SLC44A5: variants seen among roughly 807,000 people sequenced by gnomAD.
SLC44A5 encodes choline transporter-like protein 5.
Under a neutral mutation model 101.8 loss-of-function variants are expected in SLC44A5, and 57 were observed. The ratio of observed to expected loss-of-function variants is 0.56; its 90% confidence interval spans 0.45 to 0.70. SLC44A5 has a LOEUF of 0.70. Ranked by LOEUF, SLC44A5 falls within the 30% of genes least tolerant of loss-of-function variation. The probability of loss-of-function intolerance (pLI) is 0.00; values close to 1 mark genes in which losing one functional copy is unlikely to be tolerated. For missense variants in SLC44A5, 737 were observed against 853.1 expected, an observed-to-expected ratio of 0.86 and a Z score of 1.70; for synonymous variants, 281 against 290.9, an observed-to-expected ratio of 0.97 and a Z score of 0.35.
At chr1:75,228,422 G>A (rs1182235784) in intron 12 of SLC44A5, among the ~76,000 whole-genome samples, 1 of 151,820 alleles carries the variant, frequency 6.6e-6, no homozygotes, top group Non-Finnish European at 1.5e-5. Flanking sequence ...CCCTTCACTT[G>A]CAAATGTTCT....
At chr1:75,603,753 G>GTTTTTTTTTTTTTTTTTTTTTTCTTGTTT (rs57844833) in intron 1 of SLC44A5, among the ~76,000 whole-genome samples, 1 of 54,086 alleles carries the variant, frequency 1.8e-5, no homozygotes, top group Admixed American at 2.7e-4. Flanking sequence ...ATTTTTTCAT[G>GTTTTTTTTTTTTTTTTTTTTTTCTTGTTT]TTTTTTTTTT....
At chr1:75,581,977 A>G in intron 1 of SLC44A5, 1 of 416,686 alleles carries the variant, frequency 2.4e-6, no homozygotes, top group Non-Finnish European at 4.3e-6. Flanking sequence ...TTTAAAAATT[A>G]CCCAGCCTCG....
At chr1:75,596,923 T>G (rs145505804) in intron 1 of SLC44A5, among the ~76,000 whole-genome samples, 1 of 152,176 alleles carries the variant, frequency 6.6e-6, no homozygotes, top group Non-Finnish European at 1.5e-5. Flanking sequence ...CACTCCTATT[T>G]AACATAGTAT....
At position 75,502,601 on chromosome 1, in the gene SLC44A5, C is replaced by T. The variant is rs1054868666; in HGVS notation, c.13+38834G>A. 4.1e-4 allele frequency among the ~76,000 whole-genome samples: 63 copies of T among 151,998 alleles called. 1 individual carries two copies. The highest frequency in any genetic ancestry group is 1.5e-3 in the African/African-American group (61 of 41,458). ...TAAGTTCTAGGGTACATGTGCACAA[C>T]GTGCAGGTTTGTTACATATGTATAC... On this transcript the variant is annotated intron_variant, in intron 2 of 23. Coordinates refer to ENST00000370859, the MANE Select transcript of SLC44A5 (RefSeq NM_001130058.2).
intron 1 of SLC44A5, among the ~76,000 whole-genome samples, chr1:75,568,386 T>C (rs2102028381): frequency 6.6e-6 from 1 of 152,254 alleles, no homozygotes. Context: ...TGGAAGGACA[T>C]AGATGGTTAG....
chr1:75,642,117 G>A, the SLC44A5 span: 1 of 1,057,564 alleles, frequency 9.5e-7, no homozygotes, highest in Non-Finnish European at 1.4e-6. Flanking sequence ...AGATATAATT[G>A]AAGTGATATA....
chr1:75,630,461 C>T, the SLC44A5 span, among the ~76,000 whole-genome samples: 2 of 152,176 alleles, frequency 1.3e-5, no homozygotes, highest in Non-Finnish European at 2.9e-5. Flanking sequence ...AGCATCTCAG[C>T]TTTAGAATAT....
the SLC44A5 span, among the ~76,000 whole-genome samples, chr1:75,637,031 A>G: frequency 1.3e-5 from 2 of 152,032 alleles, no homozygotes; most frequent in African/African-American, 4.8e-5. Context: ...CATTAGCTGT[A>G]TGTGACTAAA....
intron 3 of SLC44A5, among the ~76,000 whole-genome samples, chr1:75,371,979 T>C (rs1298193479): frequency 2.0e-5 from 3 of 152,100 alleles, no homozygotes; most frequent in Non-Finnish European, 2.9e-5. Flanking sequence ...GGCAGATCAC[T>C]TAAGGGCAGG....
chr1:75,664,794 G>T, the SLC44A5 span, among the ~76,000 whole-genome samples: 1 of 151,722 alleles, frequency 6.6e-6, no homozygotes, highest in South Asian at 2.1e-4. Context: ...GGTGGTGGGC[G>T]CCTGTAGTCC....
At chr1:75,288,477 A>G (rs765445991) in intron 5 of SLC44A5, among the ~76,000 whole-genome samples, 5 of 152,220 alleles carry the variant, frequency 3.3e-5, no homozygotes, top group Non-Finnish European at 7.3e-5. Flanking sequence ...TTGGTCATGA[A>G]TGAATGAATG....
chr1:75,630,427 G>A, the SLC44A5 span, among the ~76,000 whole-genome samples: 5 of 152,168 alleles, frequency 3.3e-5, no homozygotes, highest in East Asian at 3.9e-4. Context: ...GTGTTCAGCC[G>A]CCAGACTGGG....
intron 1 of SLC44A5, chr1:75,582,049 A>T: frequency 1.5e-6 from 1 of 668,462 alleles, no homozygotes; most frequent in South Asian, 1.5e-5. Context: ...AAGGATACTG[A>T]GCTTTCACTT....
intron 2 of SLC44A5, among the ~76,000 whole-genome samples, chr1:75,423,772 C>G (rs1473906012): frequency 6.6e-6 from 1 of 152,232 alleles, no homozygotes; most frequent in Admixed American, 6.5e-5. Flanking sequence ...CTGGGACAGG[C>G]CTTGCTGAGC....
upstream of SLC44A5, among the ~76,000 whole-genome samples, chr1:75,613,272 C>G (rs1044688481): frequency 6.6e-6 from 1 of 152,226 alleles, no homozygotes; most frequent in Non-Finnish European, 1.5e-5. Flanking sequence ...ACCCCAGTAG[C>G]CTGCCCCTGC....
At chr1:75,265,026 T>C (rs1288856700) in intron 6 of SLC44A5, among the ~76,000 whole-genome samples, 1 of 152,138 alleles carries the variant, frequency 6.6e-6, no homozygotes, top group Admixed American at 6.6e-5. Context: ...GATAAATTCA[T>C]GGACACATAT....
chr1:75,459,906 T>C (rs561630299), intron 2 of SLC44A5, among the ~76,000 whole-genome samples: 1 of 152,240 alleles, frequency 6.6e-6, no homozygotes, highest in African/African-American at 2.4e-5. Context: ...CCTGCTGCAG[T>C]TGGAACTACA....
At chr1:75,433,621 C>T (rs980324915) in intron 2 of SLC44A5, among the ~76,000 whole-genome samples, 2 of 152,242 alleles carry the variant, frequency 1.3e-5, no homozygotes, top group Admixed American at 1.3e-4. Flanking sequence ...AATCTTAGTT[C>T]TCTTTTTCTT....
At chr1:75,723,413 A>G in the SLC44A5 span, among the ~76,000 whole-genome samples, 41,745 of 151,952 alleles carry the variant, frequency 0.27, 5,976 homozygotes, top group Middle Eastern at 0.36. Context: ...GGCACAGACA[A>G]ACAAGGGGGT....
Sources: gnomAD v4.1 joint callset for allele counts (sites outside exome capture counted in the v4.1 genomes callset) on GRCh38, gnomAD v4.1.1 for gene constraint, MANE v1.5 for transcripts, NCBI Gene and HGNC (gene_info 2026-07-23, HGNC 2026-07-21) for gene names.